The following MIOS variants were observed in gnomAD, a reference collection of about 807,000 sequenced individuals.
MIOS encodes the protein meiosis regulator for oocyte development.
MIOS carries 52 observed loss-of-function variants against 96.9 expected under a neutral mutation model. That is an observed-to-expected ratio of 0.54 (90% CI 0.43 to 0.68). MIOS has a LOEUF of 0.68. MIOS is among the 30% of genes least tolerant of loss of function. The probability of loss-of-function intolerance (pLI) is 0.00; values close to 1 mark genes in which losing one functional copy is unlikely to be tolerated. For missense variants in MIOS, 1,005 were observed against 1,052.8 expected (o/e 0.95, Z 0.63); for synonymous variants, 397 against 359.5 (o/e 1.10, Z -1.18).
Position 7,595,102 on chromosome 7 carries a change from G to A in MIOS, c.2166G>A (p.Lys722=), listed in dbSNP as rs772472921. The change falls in exon 10 of 13, where the codon AAG becomes AAA. Residue 722 remains lysine (K), a synonymous_variant. Coordinates refer to ENST00000340080, the MANE Select transcript of MIOS (RefSeq NM_019005.4). ...CTGAATTTGATATTCACAGGAGTAAGTTGGATCCCAGTTCCAAGCCTTTAG... is the reference window on the plus strand; with the variant it reads ...CTGAATTTGATATTCACAGGAGTAAATTGGATCCCAGTTCCAAGCCTTTAG... The part of the protein sequence containing the change: ...KRAEFDIHRS[K]LDPSSKPLAQ... 19 of 1,613,566 alleles carry A rather than the reference G, an allele frequency of 1.2e-5. No homozygotes were observed. The highest frequency in any genetic ancestry group is 1.4e-5 in the Non-Finnish European group (16 of 1,179,888).
intron 3 of MIOS, among the ~76,000 whole-genome samples, chr7:7,571,232 G>A (rs1275489296): frequency 6.6e-6 from 1 of 152,134 alleles, no homozygotes; most frequent in Non-Finnish European, 1.5e-5. Flanking sequence ...TTAAATTTTT[G>A]TAGGCAACCT....
intron 9 of MIOS, among the ~76,000 whole-genome samples, chr7:7,593,901 A>C (rs13236814): frequency 2.1e-5 from 3 of 145,040 alleles, no homozygotes; most frequent in Non-Finnish European, 4.6e-5. Flanking sequence ...AAAAAGAAAA[A>C]GAAAAGAAAA....
chr7:7,593,641 C>T (rs1784111834), intron 9 of MIOS, among the ~76,000 whole-genome samples: 1 of 151,860 alleles, frequency 6.6e-6, no homozygotes, highest in Non-Finnish European at 1.5e-5. Context: ...TGCGTGTAAT[C>T]CCAGCACTTT....
rs558600138 is a variant in MIOS, at chr7:7,572,537, G to C, written c.62G>C (p.Cys21Ser). The stretch of plus-strand genomic sequence containing the variant: ...CACCATGTTGATAGATTTGTTGTGT[G>C]TGACTCAGAACTAAGTCTTTATCAT... Reference protein sequence around the residue: ...APHHVDRFVVCDSELSLYHVE... With the variant: ...APHHVDRFVVSDSELSLYHVE... The change falls in exon 4 of 13, where the codon TGT becomes TCT. Residue 21 changes from cysteine (C) to serine (S), a missense_variant. Coordinates refer to ENST00000340080, the MANE Select transcript of MIOS (RefSeq NM_019005.4). The surrounding 1 kb of genome is among the most constrained non-coding windows in gnomAD (Gnocchi z 4.8). 6.2e-7 allele frequency: 1 copy of C among 1,614,096 alleles called. No homozygotes were observed. The highest frequency in any genetic ancestry group is 8.5e-7 in the Non-Finnish European group (1 of 1,180,000).
intron 12 of MIOS, among the ~76,000 whole-genome samples, 185 bp downstream of exon 12, chr7:7,606,256 A>G (rs982199366): frequency 2.0e-5 from 3 of 152,242 alleles, no homozygotes; most frequent in African/African-American, 7.2e-5. Flanking sequence ...ACCTTAAACT[A>G]TAAAGGTAAT....
chr7:7,578,290 A>G (rs148284369), intron 5 of MIOS, among the ~76,000 whole-genome samples: 1 of 152,322 alleles, frequency 6.6e-6, no homozygotes, highest in East Asian at 1.9e-4. Flanking sequence ...TCACAGTGTT[A>G]TTAGTAGGTA....
At chr7:7,592,969 C>T (rs1235161034) in intron 9 of MIOS, among the ~76,000 whole-genome samples, 1 of 152,156 alleles carries the variant, frequency 6.6e-6, no homozygotes, top group Non-Finnish European at 1.5e-5. Context: ...TTTCCCAAGC[C>T]CTTCTGATTT....
intron 5 of MIOS, among the ~76,000 whole-genome samples, chr7:7,576,514 T>C (rs1783538452): frequency 6.6e-6 from 1 of 152,162 alleles, no homozygotes; most frequent in Non-Finnish European, 1.5e-5. Context: ...GGGAGCAGCA[T>C]GTGCAGTGGA....
chr7:7,592,776 T>C (rs1373632196), intron 9 of MIOS, among the ~76,000 whole-genome samples: 1 of 152,164 alleles, frequency 6.6e-6, no homozygotes, highest in Admixed American at 6.5e-5. Context: ...CAGGCACTAA[T>C]GTGAGGGATG....
Position 7,583,049 on chromosome 7 carries a change from C to T in MIOS, c.1394-69C>T, listed in dbSNP as rs112796605. On this transcript the variant is annotated intron_variant, in intron 5 of 12. Transcript: ENST00000340080. ...ATTCTAAATGTGTCAACATAGTTCT[C>T]TGTAAAACTGACTTACTTTCCAAAT... is the stretch of plus-strand genomic sequence containing the variant. 648 of 1,462,270 alleles carry T rather than the reference C, an allele frequency of 4.4e-4. 4 individuals carry two copies. The African/African-American group carries it at 8.0e-3, about 18-fold the overall frequency. 90.6% of individuals were successfully genotyped at this position (1,462,270 alleles called of 1,614,324 possible). A position where few individuals can be genotyped will look rare whatever the true frequency, so the allele number is the denominator to read the frequency against.
At chr7:7,603,149 G>A (rs1784428299) in intron 11 of MIOS, among the ~76,000 whole-genome samples, 1 of 152,106 alleles carries the variant, frequency 6.6e-6, no homozygotes, top group African/African-American at 2.4e-5. Context: ...CAGGACATAG[G>A]CATGGGCAAG....
intron 11 of MIOS, among the ~76,000 whole-genome samples, chr7:7,601,057 C>T (rs1245313091): frequency 2.4e-5 from 2 of 83,358 alleles, no homozygotes; most frequent in South Asian, 1.0e-3. Flanking sequence ...CTCTGGGACA[C>T]ATTCAAAGCA....
intron 3 of MIOS, among the ~76,000 whole-genome samples, chr7:7,571,074 C>G (rs1054060390): frequency 6.6e-6 from 1 of 152,200 alleles, no homozygotes; most frequent in Non-Finnish European, 1.5e-5. Flanking sequence ...ATATATGGCA[C>G]TAAGGATAGA....
intron 7 of MIOS, among the ~76,000 whole-genome samples, chr7:7,586,836 T>G (rs1019521345): frequency 1.3e-5 from 2 of 152,176 alleles, no homozygotes; most frequent in African/African-American, 2.4e-5. Flanking sequence ...CTTGGAGAGA[T>G]AAAATAATGC....
rs758834768 is a variant in MIOS at position 7,583,267 on chromosome 7, C to G, written c.1543C>G (p.Leu515Val). ...AGACGTGGGGCCATTTTTGAACTCCCTTGTACAAGAAGGGGAATGGGAAAG... is the reference window on the plus strand; with the variant it reads ...AGACGTGGGGCCATTTTTGAACTCCGTTGTACAAGAAGGGGAATGGGAAAG... ...DVDVGPFLNS[L>V]VQEGEWERAA... The change falls in exon 6 of 13, where the codon CTT (leucine) becomes GTT (valine). Residue 515 changes from leucine to valine, a missense_variant. Transcript: ENST00000340080. 6.2e-7 allele frequency: 1 copy of G among 1,614,004 alleles called. No homozygotes were observed. The highest frequency in any genetic ancestry group is 1.1e-5 in the South Asian group (1 of 91,074).
intron 5 of MIOS, among the ~76,000 whole-genome samples, chr7:7,575,980 T>C (rs1177986208): frequency 6.6e-6 from 1 of 152,124 alleles, no homozygotes; most frequent in Non-Finnish European, 1.5e-5. Context: ...TTCAGTCTTC[T>C]GTTTTATTTG....
At chr7:7,577,037 G>C (rs570898550) in intron 5 of MIOS, among the ~76,000 whole-genome samples, 1 of 152,294 alleles carries the variant, frequency 6.6e-6, no homozygotes, top group Admixed American at 6.5e-5. Flanking sequence ...TGGGCAATAG[G>C]ATATCAGTTC....
chr7:7,600,069 T>A (rs1784325354), intron 11 of MIOS, among the ~76,000 whole-genome samples: 1 of 152,004 alleles, frequency 6.6e-6, no homozygotes, highest in South Asian at 2.1e-4. Flanking sequence ...GGGTACTATG[T>A]TTATTACCTG....
At chr7:7,586,988 C>CTTTTTTTTTTTTT (rs71988879) in intron 7 of MIOS, among the ~76,000 whole-genome samples, 4 of 123,052 alleles carry the variant, frequency 3.3e-5, no homozygotes, top group African/African-American at 1.2e-4. Flanking sequence ...TTTTCTTTCC[C>CTTTTTTTTTTTTT]TTTTTTTTTT....
Sources: gnomAD v4.1 joint callset for allele counts (sites outside exome capture counted in the v4.1 genomes callset) on GRCh38, gnomAD v4.1.1 for gene constraint, Gnocchi (gnomAD v3.1) non-coding constraint, MANE v1.5 for transcripts, NCBI Gene and HGNC (gene_info 2026-07-23, HGNC 2026-07-21) for gene names.